Variants in COQ6 observed in about 807,000 individuals in gnomAD.
COQ6 encodes the protein ubiquinone biosynthesis monooxygenase COQ6, mitochondrial.
In COQ6, 45 loss-of-function variants were observed where a neutral mutation model predicts 55.5. The ratio of observed to expected loss-of-function variants is 0.81; its 90% CI spans 0.64 to 1.04. The LOEUF is 1.04. Among genes scored for constraint, COQ6 ranks in the 50% least tolerant of loss-of-function variants. The pLI is 0.00. For synonymous variants in COQ6, 206 were observed against 230.5 expected (o/e 0.89, Z 0.96); for missense variants, 550 against 601.3 (o/e 0.91, Z 0.89).
intron 5 of COQ6, 151 bp from the exon 6 acceptor site, chr14:73,958,820 C>T (rs1483659535): frequency 1.3e-6 from 2 of 1,530,654 alleles, no homozygotes; most frequent in South Asian, 1.2e-5. Flanking sequence ...GCAGGGGCTC[C>T]ACCTCTAGGG....
intron 8 of COQ6, chr14:73,959,889 A>G (rs1224718197): frequency 1.6e-6 from 2 of 1,222,276 alleles, no homozygotes; most frequent in East Asian, 4.9e-5. Flanking sequence ...GTTTTGAGTC[A>G]GGAAAAAGGA....
At chr14:73,960,870 G>C in intron 8 of COQ6, 1 of 468,746 alleles carries the variant, frequency 2.1e-6, no homozygotes, top group Non-Finnish European at 3.9e-6. Flanking sequence ...GGAGGTAGAA[G>C]GATACTGTGT....
rs189037953 is a variant in COQ6 at position 73,962,038 on chromosome 14, C to T, written c.1377+135C>T. 45 of 1,038,378 alleles carry T rather than the reference C, an allele frequency of 4.3e-5. No individual in the cohort carries two copies. The African/African-American group carries it at 6.0e-4, about 14-fold the overall frequency. The allele number at this position is 1,038,378 out of a possible 1,614,324, so 64.3% of individuals were successfully genotyped here. A position where few individuals can be genotyped will look rare whatever the true frequency, so the allele number is the denominator to read the frequency against. On this transcript the variant is annotated intron_variant, in intron 11 of 11. Transcript: ENST00000334571. ...TTTCCACTCACTGCAGCCTCTGCCT[C>T]CCAGGTTCAAGTGATTATCCTGCCT...
At chr14:73,960,672 C>A in intron 8 of COQ6, 2 of 858,646 alleles carry the variant, frequency 2.3e-6, no homozygotes, top group Non-Finnish European at 2.9e-6. Context: ...AGTTCATAGT[C>A]AAGTAAGGAA....
intron 8 of COQ6, chr14:73,960,016 G>C: frequency 9.7e-7 from 1 of 1,027,076 alleles, no homozygotes; most frequent in Non-Finnish European, 1.2e-6. Context: ...AACCTTTTGA[G>C]GGTTGTGGGC....
At chr14:73,960,250 T>C in intron 8 of COQ6, 6 of 986,728 alleles carry the variant, frequency 6.1e-6, no homozygotes, top group Non-Finnish European at 7.2e-6. Flanking sequence ...ATGTAAATAG[T>C]ATCACTAACT....
At chr14:73,957,960 C>T in intron 4 of COQ6, 187 bp from the exon 5 acceptor site, 1 of 594,054 alleles carries the variant, frequency 1.7e-6, no homozygotes, top group Non-Finnish European at 3.0e-6. Context: ...CTTTTTTTGA[C>T]ATTGAGTTAT....
In COQ6 at chr14:73,953,438, A is replaced by C. The variant is rs1035517855; in HGVS notation, c.167A>C (p.Tyr56Ser). Residue 56 changes from tyrosine (Y) to serine (S), a missense_variant, in exon 2 of 12, where the codon TAT (tyrosine) becomes TCT (serine). Transcript: ENST00000334571. ...VGAAMACALG[Y>S]DIHFHDKKIL... is the part of the protein sequence containing the mutation. Reference sequence around the variant, plus strand: ...ATATAAATTTTCTTTTTTTAAGGATATGATATTCACTTTCATGACAAGAAA... The same window carrying C: ...ATATAAATTTTCTTTTTTTAAGGATCTGATATTCACTTTCATGACAAGAAA... The C allele has an allele frequency of 6.2e-7, 1 of 1,613,168 alleles. No homozygotes were observed. Among genetic ancestry groups the C allele is most frequent in the African/African-American group, 1.3e-5 (1 of 74,878 alleles).
chr14:73,961,233 G>T lies in COQ6; in HGVS notation c.952G>T (p.Val318Phe), dbSNP rs756845757. ...AGCTGGTGCCATGCTGCAGTATGCTGTCAGCCTTCTGAAGCCCACTAAGGT... is the reference window on the plus strand; with the variant it reads ...AGCTGGTGCCATGCTGCAGTATGCTTTCAGCCTTCTGAAGCCCACTAAGGT... ...DTAGAMLQYA[V>F]SLLKPTKVSA... Residue 318 changes from valine to phenylalanine, a missense_variant, in exon 9 of 12, where the codon GTC becomes TTC. Physicochemically the swap from Val to Phe is conservative, Grantham distance 50. Coordinates refer to ENST00000334571, the MANE Select transcript of COQ6 (RefSeq NM_182476.3). 1.9e-6 allele frequency: 3 copies of T among 1,614,130 alleles called. No homozygotes were observed. Among genetic ancestry groups the T allele is most frequent in the Non-Finnish European group, 2.5e-6 (3 of 1,180,008 alleles).
intron 8 of COQ6, chr14:73,959,904 C>A: frequency 8.3e-7 from 1 of 1,198,558 alleles, no homozygotes; most frequent in Non-Finnish European, 1.0e-6. Flanking sequence ...AAAGGAGTAA[C>A]CAGTCAGCTG....
chr14:73,958,263 C>G lies in COQ6; in HGVS notation c.598C>G (p.Gln200Glu). The change falls in exon 5 of 12, where the codon CAG becomes GAG. Residue 200 changes from glutamine to glutamate, a missense_variant. Transcript: ENST00000334571. Reference sequence around the variant, plus strand: ...TACCCTAGGTGATGGCAGCACCTTCCAGACCAAATTGTTGGTAGTTGAAGA... The same window carrying G: ...TACCCTAGGTGATGGCAGCACCTTCGAGACCAAATTGTTGGTAGTTGAAGA... ...HITLGDGSTF[Q>E]TKLLIGADGH... 2.5e-6 allele frequency: 4 copies of G among 1,614,030 alleles called. No homozygotes were observed. Among genetic ancestry groups the G allele is most frequent in the Non-Finnish European group, 3.4e-6 (4 of 1,179,894 alleles).
intron 11 of COQ6, chr14:73,962,568 A>C (rs1259514050): frequency 5.3e-6 from 1 of 189,596 alleles, no homozygotes; most frequent in African/African-American, 2.4e-5. Context: ...CTTGAAAAAA[A>C]AAAATGAATA....
rs548603578 is a variant in COQ6, at chr14:73,952,076, C to G, written c.164-1359C>G. On this transcript the variant is annotated intron_variant, in intron 1 of 11. Transcript: ENST00000334571. ...CCCCATCCTCCACAGCAAAAGCTGCCAAGATGGACCGCTCACTGTCTGTAT... is the reference window on the plus strand; with the variant it reads ...CCCCATCCTCCACAGCAAAAGCTGCGAAGATGGACCGCTCACTGTCTGTAT... 8.8e-5 allele frequency among the ~76,000 whole-genome samples: 13 copies of G among 148,306 alleles called. No homozygotes were observed. The South Asian group carries it at 2.8e-3, about 31-fold the overall frequency.
In COQ6 at chr14:73,961,214, T is replaced by C. The variant is rs2056713078; in HGVS notation, c.933T>C (p.Gly311=). Residue 311 remains glycine, a synonymous_variant, in exon 9 of 12, where the codon GGT becomes GGC. Transcript: ENST00000334571. ...ACACGGACTTCATCGACACAGCTGG[T>C]GCCATGCTGCAGTATGCTGTCAGCC... The part of the protein sequence containing the change: ...ADHTDFIDTA[G]AMLQYAVSLL... 1.9e-6 allele frequency: 3 copies of C among 1,613,940 alleles called. No individual in the cohort carries two copies. The African/African-American group carries it at 4.0e-5, about 22-fold the overall frequency.
chr14:73,953,610 C>G, intron 2 of COQ6, 41 bp downstream of exon 2: 1 of 1,613,314 alleles, frequency 6.2e-7, no homozygotes, highest in Non-Finnish European at 8.5e-7. Flanking sequence ...ATCTCCTTTC[C>G]CACTTAGCTT....
chr14:73,961,675 C>T (rs2056741494), intron 10 of COQ6, 62 bp from the exon 11 acceptor site: 2 of 1,609,324 alleles, frequency 1.2e-6, no homozygotes, highest in Admixed American at 1.7e-5. Context: ...ATCTGGCTTG[C>T]TAGGAGATGG....
chr14:73,959,563 G>A, intron 8 of COQ6, 41 bp downstream of exon 8: 1 of 1,614,018 alleles, frequency 6.2e-7, no homozygotes. Flanking sequence ...GCTGCAGGGG[G>A]AGATACAGAA....
intron 4 of COQ6, among the ~76,000 whole-genome samples, chr14:73,956,947 G>T (rs1365135740): frequency 6.6e-6 from 1 of 152,104 alleles, no homozygotes; most frequent in Non-Finnish European, 1.5e-5. Flanking sequence ...GATCACACTT[G>T]TGTGTGCATG....
intron 11 of COQ6, among the ~76,000 whole-genome samples, chr14:73,962,399 TAA>T (rs2056785279): frequency 6.6e-6 from 1 of 152,100 alleles, no homozygotes; most frequent in Non-Finnish European, 1.5e-5. Context: ...AAAAAGGGCT[TAA>T]AAATAGTGAA....
Sources: gnomAD v4.1 joint callset for allele counts (sites outside exome capture counted in the v4.1 genomes callset) on GRCh38, gnomAD v4.1.1 for gene constraint, MANE v1.5 for transcripts, NCBI Gene and HGNC (gene_info 2026-07-23, HGNC 2026-07-21) for gene names.